Variants in ABHD17B observed in about 807,000 individuals in gnomAD.
The protein encoded by ABHD17B is abhydrolase domain containing 17B, depalmitoylase.
A neutral mutation model predicts 26.2 loss-of-function variants in ABHD17B; 9 were observed. The ratio of observed to expected loss-of-function variants is 0.34; its 90% CI spans 0.21 to 0.60. The LOEUF (loss-of-function observed/expected upper bound fraction) is 0.60. Among genes scored for constraint, ABHD17B ranks in the 20% least tolerant of loss-of-function variants. The probability of loss-of-function intolerance (pLI) is 0.80; values close to 1 mark genes in which losing one functional copy is unlikely to be tolerated. For synonymous variants in ABHD17B, 127 were observed against 122.3 expected (o/e 1.04, Z -0.25); for missense variants, 224 against 352.1 (o/e 0.64, Z 2.91).
intron 1 of ABHD17B, among the ~76,000 whole-genome samples, chr9:71,884,210 G>A (rs561576840): frequency 6.6e-6 from 1 of 152,326 alleles, no homozygotes; most frequent in South Asian, 2.1e-4. Context: ...AAGTGCTGGT[G>A]AGAATGGGGA....
At chr9:71,888,559 T>C (rs766396918) in intron 1 of ABHD17B, among the ~76,000 whole-genome samples, 12 of 152,184 alleles carry the variant, frequency 7.9e-5, no homozygotes, top group African/African-American at 2.9e-4. Flanking sequence ...ATCTAGTCAA[T>C]GTAGTCACAA....
chr9:71,868,925 G>A (rs917210716), intron 3 of ABHD17B, among the ~76,000 whole-genome samples: 3 of 152,142 alleles, frequency 2.0e-5, no homozygotes, highest in African/African-American at 7.2e-5. Context: ...TTGGCCTCAA[G>A]TGATCCACCC....
intron 1 of ABHD17B, among the ~76,000 whole-genome samples, chr9:71,885,460 CAAA>C (rs35660801): frequency 8.1e-6 from 1 of 123,988 alleles, no homozygotes; most frequent in Admixed American, 8.6e-5. Context: ...ACTCTGTCTC[CAAA>C]AAAAAAAAAA....
chr9:71,869,620 T>C (rs777067514), intron 3 of ABHD17B, among the ~76,000 whole-genome samples: 2 of 152,182 alleles, frequency 1.3e-5, no homozygotes, highest in Non-Finnish European at 2.9e-5. Context: ...TTCACTTCTT[T>C]TGTAAGTTAG....
chr9:71,882,652 C>T, intron 1 of ABHD17B, among the ~76,000 whole-genome samples: 1 of 145,180 alleles, frequency 6.9e-6, no homozygotes, highest in Admixed American at 6.9e-5. Context: ...ACTGAGATTC[C>T]ATTTCAAAAA....
intron 1 of ABHD17B, among the ~76,000 whole-genome samples, chr9:71,900,410 A>G (rs1469290254): frequency 6.6e-6 from 1 of 152,142 alleles, no homozygotes; most frequent in Non-Finnish European, 1.5e-5. Context: ...CGTGCCTGTA[A>G]TCCCAGCACT....
intron 1 of ABHD17B, among the ~76,000 whole-genome samples, chr9:71,877,053 A>G (rs1320868541): frequency 2.0e-5 from 3 of 152,230 alleles, no homozygotes; most frequent in African/African-American, 7.2e-5. Flanking sequence ...TGTTGTGCTG[A>G]GAATGATTCT....
At position 71,870,270 on chromosome 9, in the gene ABHD17B, G is replaced by T. The variant is rs1167406442; in HGVS notation, c.468-8C>A. The T allele has an allele frequency of 3.9e-6, 6 of 1,557,696 alleles. No homozygotes were observed. Among genetic ancestry groups the T allele is most frequent in the Non-Finnish European group, 2.6e-6 (3 of 1,155,548 alleles). On this transcript the variant is annotated splice_polypyrimidine_tract_variant and splice_region_variant and intron_variant, in intron 2 of 3. Transcript: ENST00000333421. ...TCAGGGCGAATGCCATATCTACAAAGTTCAGGCGTTAAAAACAAAAACCAA... is the reference window on the plus strand; with the variant it reads ...TCAGGGCGAATGCCATATCTACAAATTTCAGGCGTTAAAAACAAAAACCAA...
At chr9:71,900,322 A>G (rs1479133164) in intron 1 of ABHD17B, among the ~76,000 whole-genome samples, 1 of 152,162 alleles carries the variant, frequency 6.6e-6, no homozygotes, top group Non-Finnish European at 1.5e-5. Flanking sequence ...ACGGCCTACA[A>G]GGTGATTTCC....
intron 1 of ABHD17B, among the ~76,000 whole-genome samples, chr9:71,906,975 A>C (rs1402624412): frequency 6.6e-6 from 1 of 152,194 alleles, no homozygotes; most frequent in Admixed American, 6.5e-5. Context: ...AGTGAAACAC[A>C]TATTACTTTA....
In ABHD17B at chr9:71,896,155, T is replaced by C. The variant is rs185360489; in HGVS notation, c.-4+14479A>G. Among the ~76,000 whole-genome samples, 326 of 152,300 alleles carry C rather than the reference T, an allele frequency of 2.1e-3. 2 individuals carry two copies. Among genetic ancestry groups the C allele is most frequent in the African/African-American group, 7.4e-3 (309 of 41,568 alleles). ...ATATTTCCAGTGCTGTGTAAGACAT[T>C]TGTTACAAAATAAACCAAGCTGAAT... On this transcript the variant is annotated intron_variant, in intron 1 of 3. Coordinates refer to ENST00000333421, the MANE Select transcript of ABHD17B (RefSeq NM_001025780.3).
At chr9:71,873,701 T>C (rs899884732) in intron 2 of ABHD17B, among the ~76,000 whole-genome samples, 2 of 151,680 alleles carry the variant, frequency 1.3e-5, no homozygotes, top group Non-Finnish European at 2.9e-5. Context: ...CAGACATTTT[T>C]TTTTTGTATT....
chr9:71,871,270 G>C (rs1422622812), intron 2 of ABHD17B, among the ~76,000 whole-genome samples: 2 of 152,214 alleles, frequency 1.3e-5, no homozygotes, highest in Admixed American at 1.3e-4. Context: ...AACTGTCCGT[G>C]TGTTCTCTTC....
chr9:71,899,546 T>C (rs111531307), intron 1 of ABHD17B, among the ~76,000 whole-genome samples: 11 of 152,212 alleles, frequency 7.2e-5, no homozygotes, highest in African/African-American at 2.4e-4. Context: ...GACCCTGTTA[T>C]TAGATGAATT....
intron 2 of ABHD17B, among the ~76,000 whole-genome samples, chr9:71,872,208 A>C (rs1212894980): frequency 6.6e-6 from 1 of 152,202 alleles, no homozygotes; most frequent in Non-Finnish European, 1.5e-5. Context: ...TAAAGTACCT[A>C]CACTTATGAA....
At chr9:71,895,503 G>A (rs1160862451) in intron 1 of ABHD17B, among the ~76,000 whole-genome samples, 1 of 152,152 alleles carries the variant, frequency 6.6e-6, no homozygotes, top group Non-Finnish European at 1.5e-5. Flanking sequence ...TCTGCCTTCT[G>A]TAGAATACCA....
At position 71,866,237 on chromosome 9, in the gene ABHD17B, A is replaced by G. The variant is rs942844167; in HGVS notation, c.*550T>C. 1.0e-6 allele frequency: 1 copy of G among 982,196 alleles called. No individual in the cohort carries two copies. The highest frequency in any genetic ancestry group is 1.2e-6 in the Non-Finnish European group (1 of 826,528). The allele number at this position is 982,196 out of a possible 1,614,324, so 60.8% of individuals were successfully genotyped here. A position where few individuals can be genotyped will look rare whatever the true frequency, so the allele number is the denominator to read the frequency against. ...ATAAATGTATGTAATCAGAGTATAC[A>G]GAAAATTCAATGTATTTTACAATAA... is the stretch of plus-strand genomic sequence containing the variant. On this transcript the variant is annotated 3_prime_UTR_variant, in exon 4 of 4. Transcript: ENST00000333421.
At chr9:71,887,820 T>C (rs1826658543) in intron 1 of ABHD17B, among the ~76,000 whole-genome samples, 2 of 152,216 alleles carry the variant, frequency 1.3e-5, no homozygotes, top group African/African-American at 2.4e-5. Flanking sequence ...CAGAACTAAG[T>C]GAGATTGCCT....
intron 1 of ABHD17B, among the ~76,000 whole-genome samples, chr9:71,905,128 TG>T (rs1589233800): frequency 6.6e-6 from 1 of 152,020 alleles, no homozygotes; most frequent in East Asian, 1.9e-4. Flanking sequence ...AGAAGTTTTT[TG>T]TTTTTTTTTT....
Sources: allele counts gnomAD v4.1 joint callset (sites outside exome capture counted in the v4.1 genomes callset), GRCh38; gene constraint gnomAD v4.1.1; transcripts MANE v1.5; gene names NCBI Gene and HGNC (gene_info 2026-07-23, HGNC 2026-07-21).